The following CEP112 variants were observed in gnomAD, a reference collection of about 807,000 sequenced individuals.
The protein encoded by CEP112 is centrosomal protein of 112 kDa.
In CEP112, 127 loss-of-function variants were observed where a neutral mutation model predicts 153.0. That is an observed-to-expected ratio of 0.83 (90% confidence interval 0.72 to 0.96). The LOEUF is 0.96. Ranked by LOEUF, CEP112 falls within the 40% of genes least tolerant of loss-of-function variation. The pLI is 0.00. For missense variants in CEP112, 1,089 were observed against 1,101.2 expected (o/e 0.99, Z 0.16); for synonymous variants, 358 against 374.4 (o/e 0.96, Z 0.51).
At chr17:65,755,919 A>G (rs1176550667) in intron 21 of CEP112, among the ~76,000 whole-genome samples, 1 of 152,200 alleles carries the variant, frequency 6.6e-6, no homozygotes, top group Non-Finnish European at 1.5e-5. Context: ...CTATGAATTC[A>G]GAAGTCATCA....
At chr17:65,689,101 G>T in intron 24 of CEP112, 28 bp downstream of exon 24, 1 of 1,493,692 alleles carries the variant, frequency 6.7e-7, no homozygotes, top group Non-Finnish European at 9.3e-7. Flanking sequence ...AAGTAAACAA[G>T]AGAGTCAAAT....
chr17:65,814,509 G>A (rs913841108), intron 21 of CEP112, among the ~76,000 whole-genome samples: 8 of 152,162 alleles, frequency 5.3e-5, no homozygotes, highest in Non-Finnish European at 8.8e-5. Flanking sequence ...ATGTAGTGAG[G>A]AGACAATAAA....
chr17:65,934,546 A>C (rs767290129), intron 18 of CEP112, among the ~76,000 whole-genome samples: 1 of 152,204 alleles, frequency 6.6e-6, no homozygotes, highest in Non-Finnish European at 1.5e-5. Flanking sequence ...ACCTATCAAT[A>C]ATTACTTTGA....
At chr17:65,764,542 G>A (rs138378575) in intron 21 of CEP112, among the ~76,000 whole-genome samples, 60 of 149,998 alleles carry the variant, frequency 4.0e-4, no homozygotes, top group South Asian at 4.2e-4. Flanking sequence ...TCTTATGAAA[G>A]TTTTTGACTT....
chr17:66,020,481 A>G (rs2064959766), intron 16 of CEP112, among the ~76,000 whole-genome samples: 1 of 152,202 alleles, frequency 6.6e-6, no homozygotes, highest in Non-Finnish European at 1.5e-5. Flanking sequence ...CCCAGTACCT[A>G]ATATAATACC....
intron 20 of CEP112, among the ~76,000 whole-genome samples, chr17:65,855,482 C>T (rs1412006902): frequency 2.0e-5 from 3 of 152,160 alleles, no homozygotes; most frequent in Non-Finnish European, 4.4e-5. Context: ...AATTCCCGAC[C>T]AGCAGGTTTT....
At chr17:66,153,782 G>A (rs953815661) in intron 4 of CEP112, among the ~76,000 whole-genome samples, 6 of 152,052 alleles carry the variant, frequency 3.9e-5, no homozygotes, top group Non-Finnish European at 7.4e-5. Flanking sequence ...TTAAGGCAGT[G>A]TAGTATTAGC....
rs2145889487 is a variant in CEP112, at chr17:66,048,027, C to T, written c.1218+5709G>A. The stretch of plus-strand genomic sequence containing the variant: ...CAGATTACCTACAATATGTCTAATA[C>T]AATGTAAGTGCTACATAAATAGCTG... On this transcript the variant is annotated intron_variant, in intron 12 of 26. Transcript: ENST00000535342. Among the ~76,000 whole-genome samples the T allele has an allele frequency of 3.9e-5, 6 of 152,236 alleles. 1 individual carries two copies. The Middle Eastern group carries it at 0.014, about 345-fold the overall frequency.
intron 12 of CEP112, among the ~76,000 whole-genome samples, chr17:66,047,505 T>C (rs185572196): frequency 1.3e-5 from 2 of 152,358 alleles, no homozygotes; most frequent in South Asian, 4.1e-4. Context: ...AATTTTATTA[T>C]GTAGATATTA....
At chr17:65,962,438 G>C (rs1461583942) in intron 17 of CEP112, among the ~76,000 whole-genome samples, 3 of 152,066 alleles carry the variant, frequency 2.0e-5, no homozygotes, top group Admixed American at 2.0e-4. Context: ...TCATACCTTA[G>C]GCGGAAACTA....
intron 4 of CEP112, among the ~76,000 whole-genome samples, chr17:66,138,563 A>G (rs988099085): frequency 6.6e-5 from 10 of 152,230 alleles, no homozygotes; most frequent in Non-Finnish European, 1.3e-4. Flanking sequence ...TCGGGACATT[A>G]ATAACAAAGT....
intron 21 of CEP112, among the ~76,000 whole-genome samples, chr17:65,826,961 C>A (rs2056865014): frequency 6.6e-6 from 1 of 152,108 alleles, no homozygotes; most frequent in African/African-American, 2.4e-5. Context: ...TGGGTGGGCA[C>A]CATCTAATCA....
chr17:66,101,127 T>A (rs938420850), intron 6 of CEP112, among the ~76,000 whole-genome samples: 3 of 152,140 alleles, frequency 2.0e-5, no homozygotes, highest in Non-Finnish European at 4.4e-5. Flanking sequence ...GAATATTTTT[T>A]AAAAATTCTC....
intron 8 of CEP112, among the ~76,000 whole-genome samples, chr17:66,076,607 G>A (rs1416306887): frequency 6.6e-6 from 1 of 152,038 alleles, no homozygotes; most frequent in Non-Finnish European, 1.5e-5. Flanking sequence ...CCACCTGCTG[G>A]GCCTTCCCTA....
At chr17:66,111,942 G>C (rs1347955144) in intron 6 of CEP112, among the ~76,000 whole-genome samples, 1 of 152,154 alleles carries the variant, frequency 6.6e-6, no homozygotes, top group African/African-American at 2.4e-5. Context: ...GTCATAAACT[G>C]AGAGATGTTT....
intron 24 of CEP112, among the ~76,000 whole-genome samples, chr17:65,682,150 C>T (rs201200960): frequency 1.3e-5 from 2 of 151,870 alleles, no homozygotes; most frequent in Non-Finnish European, 1.5e-5. Context: ...CCTGCCACCG[C>T]GCCCAGCTAA....
At chr17:65,890,184 T>C (rs968221301) in intron 20 of CEP112, among the ~76,000 whole-genome samples, 2 of 152,110 alleles carry the variant, frequency 1.3e-5, no homozygotes, top group Non-Finnish European at 2.9e-5. Context: ...AAATAATTAC[T>C]AAGTGGGATA....
intron 17 of CEP112, among the ~76,000 whole-genome samples, chr17:65,964,839 T>C (rs1291663456): frequency 6.6e-6 from 1 of 152,218 alleles, no homozygotes; most frequent in Non-Finnish European, 1.5e-5. Context: ...CATTTTATAA[T>C]TAAGATTAAC....
At chr17:65,755,927 T>C (rs1042505702) in intron 21 of CEP112, among the ~76,000 whole-genome samples, 4 of 152,134 alleles carry the variant, frequency 2.6e-5, no homozygotes, top group African/African-American at 9.7e-5. Context: ...TCAGAAGTCA[T>C]CAGTTTATAT....
Sources: gnomAD v4.1 joint callset for allele counts (sites outside exome capture counted in the v4.1 genomes callset) on GRCh38, gnomAD v4.1.1 for gene constraint, MANE v1.5 for transcripts, NCBI Gene and HGNC (gene_info 2026-07-23, HGNC 2026-07-21) for gene names.